Variants in COL13A1 observed in about 807,000 individuals in gnomAD.
COL13A1 encodes the protein collagen type XIII alpha 1 chain, also known as collagen alpha-1(XIII) chain.
A neutral mutation model predicts 130.9 loss-of-function variants in COL13A1; 89 were observed. The observed-to-expected ratio is 0.68, with a 90% CI of 0.57 to 0.81. The LOEUF (loss-of-function observed/expected upper bound fraction) is 0.81, where lower values mean the gene tolerates loss of function less well. Ranked by LOEUF, COL13A1 falls within the 30% of genes least tolerant of loss-of-function variation. COL13A1 has a pLI of 0.00. For missense variants in COL13A1, 879 were observed against 934.6 expected, an observed-to-expected ratio of 0.94 and a Z score of 0.78; for synonymous variants, 402 against 341.6, an observed-to-expected ratio of 1.18 and a Z score of -1.95.
intron 9 of COL13A1, 37 bp downstream of exon 9, chr10:69,888,367 G>T (rs755223885): frequency 6.2e-7 from 1 of 1,607,666 alleles, no homozygotes. Context: ...CTGCAGGTCA[G>T]TGATCCTGGA....
At position 69,933,706 on chromosome 10, in the gene COL13A1, GC is replaced by G. The variant is rs374189163; in HGVS notation, c.1728+1103del. Among the ~76,000 whole-genome samples, 16 of 152,298 alleles carry G rather than the reference GC, an allele frequency of 1.1e-4. No homozygotes were observed. The East Asian group carries it at 2.9e-3, about 28-fold the overall frequency. On this transcript the variant is annotated intron_variant, in intron 31 of 40. Transcript: ENST00000645393. ...AAGAAATGATCCTAATTCAGGAAAA[GC>G]ATTATACGCACATTGTCCCTCCAAG...
intron 16 of COL13A1, among the ~76,000 whole-genome samples, chr10:69,905,435 T>C (rs1009174415): frequency 9.2e-5 from 14 of 152,170 alleles, no homozygotes; most frequent in African/African-American, 3.4e-4. Context: ...CCAGTGCTGA[T>C]TGTGCCTAAC....
intron 2 of COL13A1, among the ~76,000 whole-genome samples, chr10:69,862,779 A>G (rs1051353532): frequency 6.6e-6 from 1 of 152,124 alleles, no homozygotes; most frequent in Non-Finnish European, 1.5e-5. Context: ...ACGCACCATA[A>G]ACTCTCTGGG....
chr10:69,869,610 C>A (rs552906499), intron 3 of COL13A1, among the ~76,000 whole-genome samples: 10 of 152,210 alleles, frequency 6.6e-5, no homozygotes, highest in Non-Finnish European at 1.2e-4. Context: ...CAGCAGGAAC[C>A]ATTTAGGTGG....
chr10:69,803,501 C>A (rs562860762), intron 1 of COL13A1, among the ~76,000 whole-genome samples: 2 of 152,122 alleles, frequency 1.3e-5, no homozygotes, highest in Non-Finnish European at 2.9e-5. Flanking sequence ...AAAGGCTGGG[C>A]CTTGACAGGG....
Position 69,893,060 on chromosome 10 carries a change from ACT to A in COL13A1, c.604-1489_604-1488del, listed in dbSNP as rs745901578. The stretch of plus-strand genomic sequence containing the variant: ...TGTGCTGCAGAACTTCATTCTAAGC[ACT>A]CTGCCAGGCCGAGCGCGGTGGCTCA... On this transcript the variant is annotated intron_variant, in intron 10 of 40. Transcript: ENST00000645393. Among the ~76,000 whole-genome samples, 3 of 151,940 alleles carry A rather than the reference ACT, an allele frequency of 2.0e-5. No individual in the cohort carries two copies. In the South Asian group the frequency reaches 6.2e-4, roughly 32 times the overall value.
chr10:69,878,017 G>A (rs2059774333), intron 5 of COL13A1, 22 bp from the exon 6 acceptor site: 1 of 702,872 alleles, frequency 1.4e-6, no homozygotes, highest in African/African-American at 1.7e-5. Context: ...CCTGCACCCT[G>A]TGTTGCATGT....
Position 69,919,671 on chromosome 10 carries a change from C to A in COL13A1, c.1033C>A (p.Pro345Thr). The A allele has an allele frequency of 2.5e-6, 1 of 398,750 alleles. No individual in the cohort carries two copies. The allele number at this position is 398,750 out of a possible 1,614,324, so 24.7% of individuals were successfully genotyped here. A position where few individuals can be genotyped will look rare whatever the true frequency, so the allele number is the denominator to read the frequency against. ...EPGIPGTKGD[P>T]GAEGKPGPPG... The stretch of plus-strand genomic sequence containing the variant: ...TTCTCTTCTTACCCCAAAGGGAGAC[C>A]CAGGAGCAGAAGGGAAGCCGGGGCC... Residue 345 changes from proline to threonine, a missense_variant, in exon 21 of 41, where the codon CCA (proline) becomes ACA (threonine). Transcript: ENST00000645393.
chr10:69,878,084 C>T lies in COL13A1; in HGVS notation c.462+19C>T, dbSNP rs1159052147. On this transcript the variant is annotated intron_variant, in intron 6 of 40. Coordinates refer to ENST00000645393, the MANE Select transcript of COL13A1 (RefSeq NM_001368882.1). Reference sequence around the variant, plus strand: ...CGAGAAGGTGAGTCCACACTTTCCCCTTCTGCCCTGCACCCAGCCTCCTCC... The same window carrying T: ...CGAGAAGGTGAGTCCACACTTTCCCTTTCTGCCCTGCACCCAGCCTCCTCC... 1 of 703,024 alleles carries T rather than the reference C, an allele frequency of 1.4e-6. No individual in the cohort carries two copies. Among genetic ancestry groups the T allele is most frequent in the South Asian group, 1.5e-5 (1 of 67,604 alleles). 43.5% of individuals were successfully genotyped at this position (703,024 alleles called of 1,614,324 possible). A position where few individuals can be genotyped will look rare whatever the true frequency, so the allele number is the denominator to read the frequency against.
chr10:69,876,059 G>A (rs886868184), intron 5 of COL13A1, among the ~76,000 whole-genome samples: 2 of 152,240 alleles, frequency 1.3e-5, no homozygotes, highest in African/African-American at 4.8e-5. Context: ...CCGGTGCTCA[G>A]AGGTTGAGAA....
intron 28 of COL13A1, among the ~76,000 whole-genome samples, 161 bp downstream of exon 28, chr10:69,929,160 G>A (rs1430387682): frequency 6.7e-6 from 1 of 148,416 alleles, no homozygotes; most frequent in Non-Finnish European, 1.5e-5. Flanking sequence ...CAGCTGCTGT[G>A]GCTCTTCTAG....
chr10:69,897,618 C>T (rs532654110), intron 13 of COL13A1: 8 of 1,456,464 alleles, frequency 5.5e-6, no homozygotes, highest in South Asian at 4.8e-5. Context: ...CCCCAGGCCC[C>T]GGCAGTGGGA....
intron 27 of COL13A1, among the ~76,000 whole-genome samples, chr10:69,928,716 C>T (rs185975258): frequency 5.3e-5 from 8 of 152,280 alleles, no homozygotes; most frequent in Non-Finnish European, 7.4e-5. Context: ...CATGGCTCTC[C>T]GAACCCCACC....
At chr10:69,831,222 G>A (rs10823436) in intron 2 of COL13A1, among the ~76,000 whole-genome samples, 73,366 of 152,024 alleles carry the variant, frequency 0.48, 18,150 homozygotes, top group Non-Finnish European at 0.55. Flanking sequence ...CCTAAATCCC[G>A]TGTGTGTGCA....
At chr10:69,910,514 G>T (rs1209129798) in intron 17 of COL13A1, among the ~76,000 whole-genome samples, 2 of 152,160 alleles carry the variant, frequency 1.3e-5, no homozygotes, top group Non-Finnish European at 2.9e-5. Flanking sequence ...CAGCTGGACT[G>T]GGCCTGGTAT....
Position 69,802,608 on chromosome 10 carries a change from A to G in COL13A1, c.185A>G (p.His62Arg). Residue 62 changes from histidine to arginine, a missense_variant, in exon 1 of 41, where the codon CAC becomes CGC. His to Arg is a conservative substitution (Grantham distance 29, BLOSUM62 0). Coordinates refer to ENST00000645393, the MANE Select transcript of COL13A1 (RefSeq NM_001368882.1). Reference protein sequence around the residue: ...LCSLALSLLAHFRTAELQARV... With the variant: ...LCSLALSLLARFRTAELQARV... ...TCGCTGGCACTCAGCCTGCTCGCCC[A>G]CTTTCGGACGGCCGAGCTGCAGGCC... 1.2e-6 allele frequency: 2 copies of G among 1,612,794 alleles called. No homozygotes were observed. Among genetic ancestry groups the G allele is most frequent in the Non-Finnish European group, 8.5e-7 (1 of 1,179,444 alleles).
chr10:69,894,909 G>A (rs992991150), intron 12 of COL13A1, among the ~76,000 whole-genome samples: 7 of 152,122 alleles, frequency 4.6e-5, no homozygotes, highest in South Asian at 2.1e-4. Flanking sequence ...AGGCTGGTCC[G>A]GGTGACATCC....
chr10:69,809,009 G>T (rs939191205), intron 1 of COL13A1, among the ~76,000 whole-genome samples: 7 of 152,286 alleles, frequency 4.6e-5, no homozygotes, highest in Admixed American at 1.3e-4. Context: ...GAAGCTGGGG[G>T]CACCCACCCC....
intron 40 of COL13A1, 70 bp from the exon 41 acceptor site, chr10:69,958,629 C>A: frequency 6.2e-7 from 1 of 1,610,988 alleles, no homozygotes; most frequent in East Asian, 2.2e-5. Flanking sequence ...TACCTCCCTT[C>A]CTACAAAGGA....
Sources: allele counts gnomAD v4.1 joint callset (sites outside exome capture counted in the v4.1 genomes callset), GRCh38; gene constraint gnomAD v4.1.1; transcripts MANE v1.5; gene names NCBI Gene and HGNC (gene_info 2026-07-23, HGNC 2026-07-21).